The following PDLIM7 variants were observed in gnomAD, a reference collection of about 807,000 sequenced individuals.
PDLIM7 encodes PDZ and LIM domain protein 7.
A neutral mutation model predicts 53.9 loss-of-function variants in PDLIM7; 37 were observed. That is an observed-to-expected ratio of 0.69 (90% CI 0.53 to 0.90). The LOEUF (loss-of-function observed/expected upper bound fraction) is 0.90. PDLIM7 is among the 40% of genes least tolerant of loss of function. The probability of loss-of-function intolerance (pLI) is 0.00; values close to 1 mark genes in which losing one functional copy is unlikely to be tolerated. For synonymous variants in PDLIM7, 300 were observed against 261.3 expected, an observed-to-expected ratio of 1.15 and a Z score of -1.43; for missense variants, 617 against 638.5, an observed-to-expected ratio of 0.97 and a Z score of 0.36.
rs369079151 is a variant in PDLIM7 at position 177,489,546 on chromosome 5, G to A, written c.716C>T (p.Thr239Met). 2.0e-5 allele frequency: 32 copies of A among 1,610,582 alleles called. No homozygotes were observed. Among genetic ancestry groups the A allele is most frequent in the South Asian group, 4.4e-5 (4 of 90,590 alleles). Residue 239 changes from threonine (T) to methionine (M), a missense_variant, in exon 9 of 13, where the codon ACG becomes ATG. Thr to Met is a moderately conservative substitution (Grantham distance 81). Transcript: ENST00000355841. The stretch of plus-strand genomic sequence containing the variant: ...GCTGTGCCGGGTCAGCACTGTGCTC[G>A]TTTTGTCCGGGGCATAGCGCTCGGC... Reference protein sequence around the residue: ...AFAERYAPDKTSTVLTRHSQP... With the variant: ...AFAERYAPDKMSTVLTRHSQP...
intron 1 of PDLIM7, among the ~76,000 whole-genome samples, chr5:177,497,228 G>A (rs960429751): frequency 2.6e-5 from 4 of 152,002 alleles, no homozygotes; most frequent in Admixed American, 2.0e-4. Context: ...GAGCCCAGTG[G>A]GGGGTGGTGC....
intron 2 of PDLIM7, among the ~76,000 whole-genome samples, chr5:177,493,989 C>T (rs1280089220): frequency 2.0e-5 from 3 of 152,152 alleles, no homozygotes; most frequent in South Asian, 4.1e-4. Context: ...AAAAGAAAGG[C>T]GAGCTGGGCT....
intron 10 of PDLIM7, 89 bp downstream of exon 10, chr5:177,487,979 G>T: frequency 1.5e-6 from 2 of 1,327,274 alleles, no homozygotes; most frequent in South Asian, 1.4e-5. Flanking sequence ...GGGCTCACTC[G>T]GGGAGAGACC....
intron 10 of PDLIM7, chr5:177,487,813 C>T (rs961143489): frequency 2.8e-6 from 1 of 354,952 alleles, no homozygotes; most frequent in Non-Finnish European, 5.1e-6. Flanking sequence ...AAGTGGGAGT[C>T]AGGAGGGCCC....
At chr5:177,490,413 A>C (rs891075524) in intron 7 of PDLIM7, 43 of 1,502,812 alleles carry the variant, frequency 2.9e-5, no homozygotes, top group African/African-American at 4.2e-5. Context: ...AGGTAGGCAG[A>C]AGCTGGAGGC....
At chr5:177,487,218 C>T (rs1191779130) in intron 10 of PDLIM7, among the ~76,000 whole-genome samples, 1 of 152,166 alleles carries the variant, frequency 6.6e-6, no homozygotes, top group African/African-American at 2.4e-5. Flanking sequence ...AAGCATCAGC[C>T]ACTGCATCGG....
intron 7 of PDLIM7, 136 bp downstream of exon 7, chr5:177,490,734 G>C (rs1758718848): frequency 2.5e-6 from 2 of 798,396 alleles, no homozygotes; most frequent in East Asian, 2.6e-5. Context: ...AGGAAGGAAG[G>C]AAGGAAGGAA....
chr5:177,486,330 G>T (rs991526233), intron 10 of PDLIM7, among the ~76,000 whole-genome samples: 2 of 152,158 alleles, frequency 1.3e-5, no homozygotes, highest in Non-Finnish European at 2.9e-5. Context: ...GTGCATTTCT[G>T]CCCTCCACAA....
At chr5:177,486,950 TTTTTTTTTTTTTTTTTTG>T (rs1758494309) in intron 10 of PDLIM7, among the ~76,000 whole-genome samples, 2 of 104,916 alleles carry the variant, frequency 1.9e-5, no homozygotes, top group Admixed American at 1.8e-4. Flanking sequence ...TTTTTTTTTT[TTTTTTTTTTTTTTTTTTG>T]CTGTCTCCCA....
At chr5:177,492,831 A>G in intron 2 of PDLIM7, 154 bp from the exon 3 acceptor site, 1 of 754,666 alleles carries the variant, frequency 1.3e-6, no homozygotes, top group South Asian at 1.8e-5. Flanking sequence ...TGGACACTAA[A>G]GCAACCCAGG....
At position 177,491,153 on chromosome 5, in the gene PDLIM7, G is replaced by T; in HGVS notation, c.399-7C>A. 6.2e-7 allele frequency: 1 copy of T among 1,602,168 alleles called. No individual in the cohort carries two copies. Among genetic ancestry groups the T allele is most frequent in the Non-Finnish European group, 8.5e-7 (1 of 1,173,844 alleles). The stretch of plus-strand genomic sequence containing the variant: ...CAGCGGTCGGAGCGGCTGTCTGTGG[G>T]GAGGGTGTGGCTCAGAACCCCACAC... On this transcript the variant is annotated splice_polypyrimidine_tract_variant and splice_region_variant and intron_variant, in intron 5 of 12. Coordinates refer to ENST00000355841, the MANE Select transcript of PDLIM7 (RefSeq NM_005451.5).
chr5:177,485,718 C>T (rs1165963871), intron 10 of PDLIM7, among the ~76,000 whole-genome samples: 1 of 152,226 alleles, frequency 6.6e-6, no homozygotes, highest in Non-Finnish European at 1.5e-5. Flanking sequence ...GGCGCAGTGG[C>T]TCACGTCTGT....
intron 10 of PDLIM7, among the ~76,000 whole-genome samples, chr5:177,487,105 T>G (rs1340792140): frequency 1.3e-5 from 2 of 151,890 alleles, no homozygotes; most frequent in Non-Finnish European, 2.9e-5. Flanking sequence ...GCTAATTTTT[T>G]TATTTTTAGT....
chr5:177,490,138 CT>C lies in PDLIM7; in HGVS notation c.573-307del, dbSNP rs750431046. On this transcript the variant is annotated intron_variant, in intron 7 of 12. Transcript: ENST00000355841. ...GCAGGGCCCCTTTGCCAGGTACCCC[CT>C]CCCACTGAAAACGAGGACGGCAGGG... The C allele has an allele frequency of 5.4e-6, 8 of 1,490,276 alleles. No homozygotes were observed. The Admixed American group carries it at 1.2e-4, about 23-fold the overall frequency. The allele number at this position is 1,490,276 out of a possible 1,614,324, so 92.3% of individuals were successfully genotyped here. A position where few individuals can be genotyped will look rare whatever the true frequency, so the allele number is the denominator to read the frequency against.
Position 177,483,551 on chromosome 5 carries a change from G to A in PDLIM7, c.*93C>T. The A allele has an allele frequency of 1.0e-6, 1 of 956,838 alleles. No individual in the cohort carries two copies. The allele number at this position is 956,838 out of a possible 1,614,324, so 59.3% of individuals were successfully genotyped here. ...GGCTCGGGCCAGGAGCCAGGGTTAA[G>A]GCAACCATTGCCAGCCCTACCCAGA... On this transcript the variant is annotated 3_prime_UTR_variant, in exon 13 of 13. Coordinates refer to ENST00000355841, the MANE Select transcript of PDLIM7 (RefSeq NM_005451.5).
intron 10 of PDLIM7, chr5:177,484,482 G>T: frequency 2.7e-6 from 1 of 377,044 alleles, no homozygotes; most frequent in Non-Finnish European, 5.0e-6. Flanking sequence ...CCTGTCTGCT[G>T]CAGCCAAACA....
At chr5:177,491,455 G>C (rs1164718021) in intron 5 of PDLIM7, 2 of 1,491,148 alleles carry the variant, frequency 1.3e-6, no homozygotes, top group South Asian at 2.4e-5. Flanking sequence ...ACAGATAAAG[G>C]GACAAAGGGA....
At chr5:177,484,282 T>C (rs1758327610) in intron 10 of PDLIM7, 92 bp from the exon 11 acceptor site, 2 of 1,493,952 alleles carry the variant, frequency 1.3e-6, no homozygotes, top group East Asian at 2.3e-5. Context: ...GCAAGCCCTG[T>C]TCCTTCTCGC....
chr5:177,491,500 C>A, intron 5 of PDLIM7: 1 of 1,161,976 alleles, frequency 8.6e-7, no homozygotes, highest in Non-Finnish European at 1.3e-6. Flanking sequence ...GGGGAGGGGT[C>A]AGAACAGCCG....
Sources: allele counts gnomAD v4.1 joint callset (sites outside exome capture counted in the v4.1 genomes callset), GRCh38; gene constraint gnomAD v4.1.1; transcripts MANE v1.5; gene names NCBI Gene and HGNC (gene_info 2026-07-23, HGNC 2026-07-21).